TFDP2: variants seen among roughly 807,000 people sequenced by gnomAD.
TFDP2 encodes transcription factor Dp-2.
In TFDP2, 17 loss-of-function variants were observed where a neutral mutation model predicts 59.3. The ratio of observed to expected loss-of-function variants is 0.29; its 90% CI spans 0.20 to 0.43. The LOEUF is 0.43. Ranked by LOEUF, TFDP2 falls within the 20% of genes least tolerant of loss-of-function variation. The pLI, the probability that TFDP2 is intolerant of heterozygous loss-of-function variation, is 1.00. For missense variants in TFDP2, 391 were observed against 528.8 expected (o/e 0.74, Z 2.56); for synonymous variants, 180 against 194.7 (o/e 0.92, Z 0.63).
chr3:141,993,866 G>T (rs2271386), intron 5 of TFDP2, among the ~76,000 whole-genome samples: 1 of 152,096 alleles, frequency 6.6e-6, no homozygotes, highest in Non-Finnish European at 1.5e-5. Context: ...TTCACTCTGC[G>T]AAATACTGAC....
At chr3:142,084,807 G>C (rs1005413232) in intron 3 of TFDP2, among the ~76,000 whole-genome samples, 15 of 152,114 alleles carry the variant, frequency 9.9e-5, no homozygotes, top group Non-Finnish European at 1.9e-4. Context: ...AATAAACTAT[G>C]GTTATCAGAG....
intron 1 of TFDP2, among the ~76,000 whole-genome samples, chr3:142,144,883 A>T (rs925455708): frequency 1.3e-5 from 2 of 152,228 alleles, no homozygotes; most frequent in Non-Finnish European, 2.9e-5. Context: ...AACAAAGATA[A>T]CTTTGGCTGC....
intron 4 of TFDP2, among the ~76,000 whole-genome samples, chr3:141,999,722 G>A (rs888160444): frequency 4.0e-5 from 6 of 151,462 alleles, no homozygotes; most frequent in Non-Finnish European, 8.8e-5. Context: ...GGGTGAGTTT[G>A]TAATGCAAGA....
At chr3:141,961,696 G>A (rs1193929668) in intron 10 of TFDP2, among the ~76,000 whole-genome samples, 2 of 152,134 alleles carry the variant, frequency 1.3e-5, no homozygotes, top group Non-Finnish European at 2.9e-5. Flanking sequence ...TTTGAAACTG[G>A]CAAGGTAAAT....
intron 3 of TFDP2, among the ~76,000 whole-genome samples, chr3:142,062,996 C>T (rs1458823261): frequency 6.6e-6 from 1 of 152,110 alleles, no homozygotes; most frequent in Non-Finnish European, 1.5e-5. Context: ...AGGCATGCTT[C>T]TAGGGTGCTG....
At chr3:141,953,996 A>G (rs548502361) in intron 11 of TFDP2, among the ~76,000 whole-genome samples, 122 of 151,964 alleles carry the variant, frequency 8.0e-4, no homozygotes, top group Non-Finnish European at 1.3e-3. Context: ...CCCCATCTCT[A>G]TTAAAAATAC....
chr3:141,974,216 T>G (rs568708035), intron 7 of TFDP2, 25 bp from the exon 8 acceptor site: 1 of 1,579,888 alleles, frequency 6.3e-7, no homozygotes, highest in Non-Finnish European at 8.6e-7. Flanking sequence ...TTTCACTGAG[T>G]GATAAATCTT....
intron 6 of TFDP2, among the ~76,000 whole-genome samples, chr3:141,992,713 C>T (rs1270443125): frequency 6.6e-6 from 1 of 152,190 alleles, no homozygotes; most frequent in Non-Finnish European, 1.5e-5. Context: ...TGAAACAGCA[C>T]TAGTGTCAGG....
At chr3:142,012,912 G>A (rs2108306585) in intron 3 of TFDP2, among the ~76,000 whole-genome samples, 1 of 152,290 alleles carries the variant, frequency 6.6e-6, no homozygotes, top group East Asian at 1.9e-4. Flanking sequence ...GCCGAGGCAG[G>A]AGGATCACGA....
chr3:142,089,868 T>G (rs1416391517), intron 3 of TFDP2, among the ~76,000 whole-genome samples: 1 of 151,808 alleles, frequency 6.6e-6, no homozygotes, highest in Non-Finnish European at 1.5e-5. Context: ...AAAACATAGT[T>G]ATATAAATAA....
At chr3:142,078,726 G>A (rs1255709260) in intron 3 of TFDP2, among the ~76,000 whole-genome samples, 2 of 151,992 alleles carry the variant, frequency 1.3e-5, no homozygotes, top group Admixed American at 6.6e-5. Flanking sequence ...TATATAACTC[G>A]TCAATGTTCA....
chr3:142,134,176 C>CA (rs2062626632), intron 1 of TFDP2, among the ~76,000 whole-genome samples: 1 of 151,814 alleles, frequency 6.6e-6, no homozygotes, highest in South Asian at 2.1e-4. Context: ...GTCCCAGCTA[C>CA]ACCGAAGGCA....
At chr3:142,053,675 C>T (rs919488342) in intron 3 of TFDP2, among the ~76,000 whole-genome samples, 1 of 151,978 alleles carries the variant, frequency 6.6e-6, no homozygotes, top group African/African-American at 2.4e-5. Flanking sequence ...GGATTTTAAG[C>T]AGGAGATATT....
At chr3:142,003,010 T>TC (rs984222338) in intron 4 of TFDP2, among the ~76,000 whole-genome samples, 1 of 151,072 alleles carries the variant, frequency 6.6e-6, no homozygotes, top group South Asian at 2.1e-4. Context: ...CCTTCAACTT[T>TC]TTTTTTTTTT....
chr3:142,139,506 G>A (rs143754337), intron 1 of TFDP2, among the ~76,000 whole-genome samples: 12,645 of 152,144 alleles, frequency 0.083, 650 homozygotes, highest in Middle Eastern at 0.14. Context: ...GGCTGGTACC[G>A]ATTGTTCCTT....
At chr3:142,047,950 C>T (rs1422986254) in intron 3 of TFDP2, among the ~76,000 whole-genome samples, 1 of 151,968 alleles carries the variant, frequency 6.6e-6, no homozygotes, top group Non-Finnish European at 1.5e-5. Context: ...CCACGTTGGC[C>T]AGGCTGATCT....
chr3:142,034,768 T>G (rs1361493881), intron 3 of TFDP2, among the ~76,000 whole-genome samples: 1 of 148,386 alleles, frequency 6.7e-6, no homozygotes, highest in African/African-American at 2.5e-5. Flanking sequence ...CAGGCTGGAG[T>G]GCAGTGGCGC....
At chr3:142,064,027 C>G (rs557014213) in intron 3 of TFDP2, among the ~76,000 whole-genome samples, 1 of 152,246 alleles carries the variant, frequency 6.6e-6, no homozygotes, top group African/African-American at 2.4e-5. Context: ...AATCTTGGGT[C>G]ACTGCAACCT....
At position 141,949,810 on chromosome 3, in the gene TFDP2, T is replaced by TTTTTTTC. The variant is rs1935735755; in HGVS notation, c.*2702_*2703insGAAAAAA. Reference sequence around the variant, plus strand: ...GGGCATTGTGACCACAACTTCCATTTTTTTTTTTTTTTTTTTTGAGACAGG... The same window carrying TTTTTTTC: ...GGGCATTGTGACCACAACTTCCATTTTTTTTTCTTTTTTTTTTTTTTTTTGAGACAGG... On this transcript the variant is annotated 3_prime_UTR_variant, in exon 13 of 13. Transcript: ENST00000489671. The TTTTTTTC allele has an allele frequency of 7.3e-6, 1 of 137,772 alleles. No individual in the cohort carries two copies. The highest frequency in any genetic ancestry group is 7.4e-5 in the Admixed American group (1 of 13,576). 8.5% of individuals were successfully genotyped at this position (137,772 alleles called of 1,614,324 possible).
Sources: gnomAD v4.1 joint callset for allele counts (sites outside exome capture counted in the v4.1 genomes callset) on GRCh38, gnomAD v4.1.1 for gene constraint, MANE v1.5 for transcripts, NCBI Gene and HGNC (gene_info 2026-07-23, HGNC 2026-07-21) for gene names.